NACC2: variants seen among roughly 807,000 people sequenced by gnomAD.
NACC2 encodes the protein nucleus accumbens-associated protein 2.
A neutral mutation model predicts 25.1 loss-of-function variants in NACC2; 8 were observed. That is an observed-to-expected ratio of 0.32 (90% CI 0.19 to 0.57). NACC2 has a LOEUF of 0.57. Ranked by LOEUF, NACC2 falls within the 20% of genes least tolerant of loss-of-function variation. The probability of loss-of-function intolerance (pLI) is 0.89; values close to 1 mark genes in which losing one functional copy is unlikely to be tolerated. For missense variants in NACC2, 644 were observed against 650.2 expected (o/e 0.99, Z 0.10); for synonymous variants, 435 against 294.7 (o/e 1.48, Z -4.88).
At chr9:136,080,146 C>T (rs763469504) in intron 1 of NACC2, among the ~76,000 whole-genome samples, 5 of 152,324 alleles carry the variant, frequency 3.3e-5, no homozygotes, top group Non-Finnish European at 5.9e-5. Context: ...CAAAAGCCAA[C>T]GGTTTGACCA....
At chr9:136,035,660 C>T (rs1327345646) in intron 2 of NACC2, among the ~76,000 whole-genome samples, 2 of 151,554 alleles carry the variant, frequency 1.3e-5, no homozygotes, top group Non-Finnish European at 2.9e-5. Context: ...GATAACACTT[C>T]TTGAATTTTG....
intron 1 of NACC2, among the ~76,000 whole-genome samples, chr9:136,093,751 C>G (rs962582505): frequency 6.6e-6 from 1 of 151,914 alleles, no homozygotes; most frequent in East Asian, 1.9e-4. Flanking sequence ...CTGGGAAAGG[C>G]CCCACAGAGG....
intron 2 of NACC2, among the ~76,000 whole-genome samples, chr9:136,042,749 G>C (rs576767602): frequency 2.8e-5 from 4 of 143,088 alleles, no homozygotes; most frequent in South Asian, 4.6e-4. Context: ...CAGACACAGA[G>C]ACAGAGACAC....
chr9:136,066,700 T>C (rs563375977), intron 1 of NACC2, among the ~76,000 whole-genome samples: 2 of 152,136 alleles, frequency 1.3e-5, no homozygotes, highest in African/African-American at 4.8e-5. Context: ...CCTAGCAGTA[T>C]CATTTGCAAT....
chr9:136,014,437 C>T (rs559076043), intron 3 of NACC2, among the ~76,000 whole-genome samples: 28 of 152,278 alleles, frequency 1.8e-4, no homozygotes, highest in Admixed American at 1.2e-3. Flanking sequence ...CCTGAGTAGC[C>T]GGGACCACAG....
chr9:136,086,944 G>C lies in NACC2; in HGVS notation c.-60+8245C>G, dbSNP rs566636718. On this transcript the variant is annotated intron_variant, in intron 1 of 5. Coordinates refer to ENST00000277554, the MANE Select transcript of NACC2 (RefSeq NM_144653.5). This position sits in a 1 kb window ranked among gnomAD's most constrained non-coding sequence, Gnocchi z 5.6. ...GGGGTTCGCATCTACCTGACCCTTT[G>C]AATGCGGCCTTATTTGGAAACAGGG... 6.6e-6 allele frequency among the ~76,000 whole-genome samples: 1 copy of C among 152,208 alleles called. No individual in the cohort carries two copies. Among genetic ancestry groups the C allele is most frequent in the Non-Finnish European group, 1.5e-5 (1 of 68,032 alleles).
intron 1 of NACC2, among the ~76,000 whole-genome samples, chr9:136,063,034 C>A (rs1390148878): frequency 6.6e-6 from 1 of 152,254 alleles, no homozygotes; most frequent in East Asian, 1.9e-4. Flanking sequence ...AGAAGCCCGA[C>A]TTTGCCGTCA....
intron 3 of NACC2, among the ~76,000 whole-genome samples, chr9:136,015,478 G>C (rs960436553): frequency 6.6e-6 from 1 of 152,224 alleles, no homozygotes; most frequent in African/African-American, 2.4e-5. Context: ...GCTGGAAGGC[G>C]AGGCCAGCCC....
intron 2 of NACC2, among the ~76,000 whole-genome samples, chr9:136,047,378 C>T (rs946591767): frequency 1.3e-5 from 2 of 152,248 alleles, no homozygotes; most frequent in Non-Finnish European, 2.9e-5. Flanking sequence ...CACACACCCC[C>T]TTTCTCTGCC....
chr9:136,051,919 A>AGGAGATGGT (rs1173920539), intron 1 of NACC2, among the ~76,000 whole-genome samples: 3 of 14,984 alleles, frequency 2.0e-4, no homozygotes, highest in African/African-American at 5.9e-4. Flanking sequence ...GAGATGGTGG[A>AGGAGATGGT]GGAGGAGGAG....
rs766993274 is a variant in NACC2, at chr9:136,013,730, C to T, written c.1157+134G>A. 66 of 763,200 alleles carry T rather than the reference C, an allele frequency of 8.6e-5. 1 individual carries two copies. Among genetic ancestry groups the T allele is most frequent in the South Asian group, 5.0e-4 (27 of 53,840 alleles). 47.3% of individuals were successfully genotyped at this position (763,200 alleles called of 1,614,324 possible). On this transcript the variant is annotated intron_variant, in intron 4 of 5. Transcript: ENST00000277554. This position sits in a 1 kb window ranked among gnomAD's most constrained non-coding sequence, Gnocchi z 6.6. ...GCCTCTCCACCGTCCTGGGGCCGACCGGCCACGGCTGAAGTCAGGAATGCG... is the reference window on the plus strand; with the variant it reads ...GCCTCTCCACCGTCCTGGGGCCGACTGGCCACGGCTGAAGTCAGGAATGCG...
Position 136,062,012 on chromosome 9 carries a change from CAGGAGGCTG to C in NACC2, c.-59-11441_-59-11433del, listed in dbSNP as rs1031291986. Among the ~76,000 whole-genome samples the C allele has an allele frequency of 1.1e-4, 17 of 152,102 alleles. No individual in the cohort carries two copies. The South Asian group carries it at 2.9e-3, about 26-fold the overall frequency. ...GTGTGCACCTGTAATCCCAGCTACT[CAGGAGGCTG>C]AGGCAGGAGAATCGCTTGAACTGGG... On this transcript the variant is annotated intron_variant, in intron 1 of 5. Transcript: ENST00000277554.
chr9:136,014,598 A>G (rs930577501), intron 3 of NACC2, among the ~76,000 whole-genome samples: 2 of 152,168 alleles, frequency 1.3e-5, no homozygotes, highest in South Asian at 2.1e-4. Context: ...CCTAGGGAAC[A>G]CACTCTGAAG....
At chr9:136,028,211 CAAA>C (rs35197851) in intron 2 of NACC2, among the ~76,000 whole-genome samples, 4 of 111,328 alleles carry the variant, frequency 3.6e-5, no homozygotes, top group Admixed American at 9.4e-5. Context: ...ACTCCATCTC[CAAA>C]AAAAAAAAAA....
intron 2 of NACC2, among the ~76,000 whole-genome samples, chr9:136,031,540 G>T (rs1213035160): frequency 6.6e-6 from 1 of 152,130 alleles, no homozygotes; most frequent in Non-Finnish European, 1.5e-5. Context: ...GTTTCACTGT[G>T]TCGGCCAGGC....
At chr9:136,050,672 G>A (rs1434005526) in intron 1 of NACC2, 92 bp from the exon 2 acceptor site, 6 of 645,242 alleles carry the variant, frequency 9.3e-6, no homozygotes, top group African/African-American at 7.2e-5. Flanking sequence ...CCCGCCGGGG[G>A]CTTACAAAGA....
intron 2 of NACC2, among the ~76,000 whole-genome samples, chr9:136,044,954 T>C (rs937663684): frequency 2.6e-5 from 4 of 152,130 alleles, no homozygotes; most frequent in Admixed American, 2.6e-4. Flanking sequence ...CAGGTCACCC[T>C]GAAAAGGGTG....
At chr9:136,074,210 G>A (rs1030598874) in intron 1 of NACC2, among the ~76,000 whole-genome samples, 23 of 151,212 alleles carry the variant, frequency 1.5e-4, no homozygotes, top group African/African-American at 5.1e-4. Context: ...CAGCACTTTG[G>A]GAGGCCGAGG....
At chr9:136,070,333 C>A (rs1018531192) in intron 1 of NACC2, among the ~76,000 whole-genome samples, 12 of 150,872 alleles carry the variant, frequency 8.0e-5, no homozygotes, top group Non-Finnish European at 1.2e-4. Context: ...TGGTGAAACC[C>A]CGTCTCTACT....
Sources: gnomAD v4.1 joint callset for allele counts (sites outside exome capture counted in the v4.1 genomes callset) on GRCh38, gnomAD v4.1.1 for gene constraint, Gnocchi (gnomAD v3.1) non-coding constraint, MANE v1.5 for transcripts, NCBI Gene and HGNC (gene_info 2026-07-23, HGNC 2026-07-21) for gene names.